SYT1: variants seen among roughly 807,000 people sequenced by gnomAD.
SYT1 encodes the protein synaptotagmin 1.
SYT1 carries 8 observed loss-of-function variants against 44.8 expected under a neutral mutation model. That is an observed-to-expected ratio of 0.18 (90% confidence interval 0.10 to 0.32). The LOEUF is 0.32. Among genes scored for constraint, SYT1 ranks in the 10% least tolerant of loss-of-function variants. The pLI is 1.00. For synonymous variants in SYT1, 154 were observed against 188.8 expected (o/e 0.82, Z 1.51); for missense variants, 286 against 509.3 (o/e 0.56, Z 4.22).
At chr12:79,060,397 T>C (rs1368805654) in intron 3 of SYT1, among the ~76,000 whole-genome samples, 1 of 152,008 alleles carries the variant, frequency 6.6e-6, no homozygotes, top group Non-Finnish European at 1.5e-5. Context: ...ACACTGTTGT[T>C]TGATCATCAG....
chr12:79,441,307 TTGC>T (rs1015621033), intron 9 of SYT1, among the ~76,000 whole-genome samples: 10 of 151,522 alleles, frequency 6.6e-5, no homozygotes, highest in Non-Finnish European at 7.4e-5. Context: ...GTTGTTGTTG[TTGC>T]TGCTGCTGCT....
intron 3 of SYT1, among the ~76,000 whole-genome samples, chr12:79,117,222 T>G (rs1378837113): frequency 6.6e-6 from 1 of 152,158 alleles, no homozygotes; most frequent in Admixed American, 6.5e-5. Context: ...GTAAAAGGTC[T>G]GTTTACATTT....
intron 9 of SYT1, among the ~76,000 whole-genome samples, chr12:79,440,093 C>A (rs1478376505): frequency 6.6e-6 from 1 of 152,024 alleles, no homozygotes; most frequent in African/African-American, 2.4e-5. Flanking sequence ...GGGCATGTGC[C>A]TGTAATCCCA....
Position 79,104,307 on chromosome 12 carries a change from G to T in SYT1, c.-18+56945G>T, listed in dbSNP as rs1022692789. On this transcript the variant is annotated intron_variant, in intron 3 of 10. Coordinates refer to ENST00000261205, the MANE Select transcript of SYT1 (RefSeq NM_005639.3). ...AAGGATTTCTGTTGCTTACAAAACTGAATAAAAGATCATACCTCTCTTTAG... is the reference window on the plus strand; with the variant it reads ...AAGGATTTCTGTTGCTTACAAAACTTAATAAAAGATCATACCTCTCTTTAG... Among the ~76,000 whole-genome samples the T allele has an allele frequency of 8.6e-5, 13 of 151,990 alleles. No individual in the cohort carries two copies. The East Asian group carries it at 2.5e-3, about 29-fold the overall frequency.
intron 9 of SYT1, among the ~76,000 whole-genome samples, chr12:79,422,752 T>G (rs955987318): frequency 1.3e-5 from 2 of 152,004 alleles, no homozygotes; most frequent in African/African-American, 4.8e-5. Flanking sequence ...TCAGAATACA[T>G]ATCCATCCTG....
chr12:79,331,607 T>C (rs1400455117), intron 8 of SYT1, among the ~76,000 whole-genome samples: 1 of 152,174 alleles, frequency 6.6e-6, no homozygotes, highest in Non-Finnish European at 1.5e-5. Flanking sequence ...AATTTGTCCC[T>C]TTGCAGCATT....
At chr12:79,378,596 A>T (rs1444561604) in intron 9 of SYT1, among the ~76,000 whole-genome samples, 1 of 152,234 alleles carries the variant, frequency 6.6e-6, no homozygotes. Context: ...AACTATTCTG[A>T]TTCAAGAACC....
intron 8 of SYT1, among the ~76,000 whole-genome samples, chr12:79,339,787 G>A (rs1280683111): frequency 6.6e-6 from 1 of 152,146 alleles, no homozygotes; most frequent in Non-Finnish European, 1.5e-5. Context: ...TTCTTCTAGG[G>A]ATTTTATGGT....
At chr12:79,240,493 C>T (rs1306940054) in intron 4 of SYT1, among the ~76,000 whole-genome samples, 1 of 152,086 alleles carries the variant, frequency 6.6e-6, no homozygotes, top group African/African-American at 2.4e-5. Flanking sequence ...AAAATGAAAG[C>T]TATATCAGTT....
At chr12:78,971,021 G>A (rs751105363) in intron 1 of SYT1, among the ~76,000 whole-genome samples, 19 of 152,156 alleles carry the variant, frequency 1.2e-4, no homozygotes, top group Non-Finnish European at 2.6e-4. Context: ...AAAGTTAGCA[G>A]GGTGTGATGA....
chr12:79,150,092 A>G (rs1316070308), intron 3 of SYT1, among the ~76,000 whole-genome samples: 2 of 152,208 alleles, frequency 1.3e-5, no homozygotes, highest in Non-Finnish European at 2.9e-5. Context: ...TGTATACAAC[A>G]TGGTATAATT....
chr12:78,931,493 G>A (rs568862021), intron 1 of SYT1, among the ~76,000 whole-genome samples: 38 of 151,706 alleles, frequency 2.5e-4, no homozygotes, highest in Admixed American at 1.3e-3. Context: ...AAGAGAAAGA[G>A]TTAGGTAAAT....
At chr12:79,308,378 GC>G (rs955418916) in intron 8 of SYT1, among the ~76,000 whole-genome samples, 1 of 152,012 alleles carries the variant, frequency 6.6e-6, no homozygotes, top group Non-Finnish European at 1.5e-5. Context: ...TACAAAATTA[GC>G]CCGGTGTTGT....
At chr12:79,212,351 G>A (rs61927350) in intron 3 of SYT1, among the ~76,000 whole-genome samples, 6,649 of 152,054 alleles carry the variant, frequency 0.044, 154 homozygotes, top group Non-Finnish European at 0.05. Flanking sequence ...TCACACACCC[G>A]GACCTTTCAG....
At chr12:79,275,426 G>A (rs376659060) in intron 4 of SYT1, among the ~76,000 whole-genome samples, 5 of 152,104 alleles carry the variant, frequency 3.3e-5, no homozygotes, top group Non-Finnish European at 7.3e-5. Context: ...GTCCCCAAGG[G>A]AGGTGTGCCC....
intron 9 of SYT1, among the ~76,000 whole-genome samples, chr12:79,401,954 CCACCAAAACTCAAACATTTGTA>C (rs1219667995): frequency 1.3e-5 from 2 of 152,114 alleles, no homozygotes; most frequent in Non-Finnish European, 2.9e-5. Context: ...GAGGCATAAG[CCACCAAAACTCAAACATTTGTA>C]GGCCAAAACT....
intron 2 of SYT1, among the ~76,000 whole-genome samples, chr12:79,014,953 T>C (rs2137591890): frequency 6.6e-6 from 1 of 151,478 alleles, no homozygotes; most frequent in South Asian, 2.1e-4. Flanking sequence ...CAGTAAACTA[T>C]CGCAAGGATA....
intron 3 of SYT1, among the ~76,000 whole-genome samples, chr12:79,091,599 A>T (rs1332178105): frequency 6.6e-6 from 1 of 151,992 alleles, no homozygotes; most frequent in Non-Finnish European, 1.5e-5. Flanking sequence ...AGAAAAAGGC[A>T]CATTTAATTT....
rs111399634 is a variant in SYT1, at chr12:79,276,830, A to G, written c.167-8957A>G. 9.2e-5 allele frequency among the ~76,000 whole-genome samples: 14 copies of G among 152,074 alleles called. 1 individual carries two copies. Among genetic ancestry groups the G allele is most frequent in the African/African-American group, 3.1e-4 (13 of 41,502 alleles). On this transcript the variant is annotated intron_variant, in intron 4 of 10. Coordinates refer to ENST00000261205, the MANE Select transcript of SYT1 (RefSeq NM_005639.3). ...GCTTTTAAGTTAACCCAATCAGACAAAAATAACAAAAACAAAAAGAAATAA... is the reference window on the plus strand; with the variant it reads ...GCTTTTAAGTTAACCCAATCAGACAGAAATAACAAAAACAAAAAGAAATAA...
Sources: allele counts gnomAD v4.1 joint callset (sites outside exome capture counted in the v4.1 genomes callset), GRCh38; gene constraint gnomAD v4.1.1; transcripts MANE v1.5; gene names NCBI Gene and HGNC (gene_info 2026-07-23, HGNC 2026-07-21).